Variants in SOAT1 observed in about 807,000 individuals in gnomAD.
SOAT1 encodes the protein acyl-coenzyme A:cholesterol acyltransferase 1.
A neutral mutation model predicts 69.5 loss-of-function variants in SOAT1; 55 were observed. The ratio of observed to expected loss-of-function variants is 0.79; its 90% CI spans 0.64 to 0.99. SOAT1 has a LOEUF of 0.99. Ranked by LOEUF, SOAT1 falls within the 50% of genes least tolerant of loss-of-function variation. The pLI is 0.00. For synonymous variants in SOAT1, 231 were observed against 224.7 expected (o/e 1.03, Z -0.25); for missense variants, 580 against 669.3 (o/e 0.87, Z 1.47).
At chr1:179,351,571 G>GTT (rs1666735024) in intron 15 of SOAT1, 109 bp downstream of exon 15, 1 of 979,692 alleles carries the variant, frequency 1.0e-6, no homozygotes, top group South Asian at 1.7e-5. Context: ...ATGAATTAGT[G>GTT]TTAAAGAGAG....
At chr1:179,300,944 A>G (rs573732628) in intron 1 of SOAT1, among the ~76,000 whole-genome samples, 1 of 152,198 alleles carries the variant, frequency 6.6e-6, no homozygotes, top group South Asian at 2.1e-4. Flanking sequence ...AAAATACAAA[A>G]ATTAGCCACG....
At chr1:179,350,058 C>A (rs1212485105) in intron 13 of SOAT1, among the ~76,000 whole-genome samples, 3 of 152,122 alleles carry the variant, frequency 2.0e-5, no homozygotes, top group Non-Finnish European at 2.9e-5. Context: ...TAATAACTTA[C>A]AAACATAAGT....
In SOAT1 at chr1:179,344,986, A is replaced by C. The variant is rs142335647; in HGVS notation, c.1027A>C (p.Arg343=). The C allele has an allele frequency of 8.7e-5, 141 of 1,614,082 alleles. No homozygotes were observed. The African/African-American group carries it at 1.8e-3, about 20-fold the overall frequency. The change falls in exon 11 of 16, where the codon AGG becomes CGG. Residue 343 remains arginine, a synonymous_variant. Coordinates refer to ENST00000367619, the MANE Select transcript of SOAT1 (RefSeq NM_003101.6). The part of the protein sequence containing the change: ...CFFYVYYIFE[R]LCAPLFRNIK... The stretch of plus-strand genomic sequence containing the variant: ...TTTCTATGTGTACTACATCTTTGAA[A>C]GGCTTTGTGCCCCCTTGTTTCGGAA...
intron 2 of SOAT1, among the ~76,000 whole-genome samples, chr1:179,319,267 C>T (rs868351580): frequency 5.6e-4 from 70 of 125,166 alleles, no homozygotes; most frequent in African/African-American, 1.9e-3. Flanking sequence ...GTTACTTTGC[C>T]TTTTTTTTTT....
chr1:179,334,233 G>T (rs1243269612), intron 3 of SOAT1, among the ~76,000 whole-genome samples: 1 of 152,178 alleles, frequency 6.6e-6, no homozygotes. Context: ...TGTATAGGTG[G>T]TGGGGGTTTC....
chr1:179,348,170 T>C (rs1666598412), intron 12 of SOAT1, among the ~76,000 whole-genome samples: 1 of 152,200 alleles, frequency 6.6e-6, no homozygotes, highest in Non-Finnish European at 1.5e-5. Flanking sequence ...CTTCTAAAGT[T>C]GGAATTAAGC....
At position 179,314,720 on chromosome 1, in the gene SOAT1, C is replaced by T. The variant is rs1200721078; in HGVS notation, c.119-8717C>T. Reference sequence around the variant, plus strand: ...GGATGATAATAGGCGTGAGCCAGCACGCCTGGAGTCTGGTGTTTTTTTTAG... The same window carrying T: ...GGATGATAATAGGCGTGAGCCAGCATGCCTGGAGTCTGGTGTTTTTTTTAG... On this transcript the variant is annotated intron_variant, in intron 2 of 15. Coordinates refer to ENST00000367619, the MANE Select transcript of SOAT1 (RefSeq NM_003101.6). Among the ~76,000 whole-genome samples the T allele has an allele frequency of 9.2e-5, 14 of 152,162 alleles. No homozygotes were observed. In the South Asian group the frequency reaches 1.2e-3, roughly 14 times the overall value.
Position 179,342,890 on chromosome 1 carries a change from G to T in SOAT1, c.888G>T (p.Gln296His). The change falls in exon 9 of 16, where the codon CAG becomes CAT. Residue 296 changes from glutamine to histidine, a missense_variant. Transcript: ENST00000367619. ...CTGTTCCAATACCTACAGTCAACCAGTATTTGTACTTCTTATTTGCTCCTA... is the reference window on the plus strand; with the variant it reads ...CTGTTCCAATACCTACAGTCAACCATTATTTGTACTTCTTATTTGCTCCTA... ...SSTVPIPTVN[Q>H]YLYFLFAPTL... 1.2e-6 allele frequency: 2 copies of T among 1,613,698 alleles called. No homozygotes were observed. The highest frequency in any genetic ancestry group is 2.2e-5 in the South Asian group (2 of 91,056).
At chr1:179,341,843 A>G (rs1666350963) in intron 7 of SOAT1, among the ~76,000 whole-genome samples, 1 of 152,228 alleles carries the variant, frequency 6.6e-6, no homozygotes, top group Non-Finnish European at 1.5e-5. Context: ...ACATTGAATT[A>G]TTTTTGATGC....
At chr1:179,315,301 AG>A (rs1665351877) in intron 2 of SOAT1, among the ~76,000 whole-genome samples, 1 of 151,990 alleles carries the variant, frequency 6.6e-6, no homozygotes, top group East Asian at 1.9e-4. Context: ...TTTTTTAATT[AG>A]GTGGGTGTGG....
chr1:179,353,754 CT>C lies in SOAT1; in HGVS notation c.*116del. 1 of 881,392 alleles carries C rather than the reference CT, an allele frequency of 1.1e-6. No homozygotes were observed. The highest frequency in any genetic ancestry group is 1.8e-6 in the Non-Finnish European group (1 of 545,294). 54.6% of individuals were successfully genotyped at this position (881,392 alleles called of 1,614,324 possible). A position where few individuals can be genotyped will look rare whatever the true frequency, so the allele number is the denominator to read the frequency against. ...TCTGTGTTATTTGGACCACTCCAGG[CT>C]TTACAGATGACTCACTCCATTCCTA... On this transcript the variant is annotated 3_prime_UTR_variant, in exon 16 of 16. Transcript: ENST00000367619.
intron 2 of SOAT1, 92 bp downstream of exon 2, chr1:179,302,894 TA>T (rs1427309230): frequency 3.1e-6 from 2 of 645,112 alleles, no homozygotes; most frequent in African/African-American, 3.7e-5. Context: ...TTTAATTCTT[TA>T]TTGTAAATGG....
chr1:179,346,369 A>G (rs2124999334), intron 11 of SOAT1, among the ~76,000 whole-genome samples: 1 of 152,346 alleles, frequency 6.6e-6, no homozygotes, highest in East Asian at 1.9e-4. Context: ...GATATTTTAC[A>G]ATATATTGTA....
At position 179,345,185 on chromosome 1, in the gene SOAT1, A is replaced by G. The variant is rs1666486155; in HGVS notation, c.1117+109A>G. 3 of 1,042,682 alleles carry G rather than the reference A, an allele frequency of 2.9e-6. No individual in the cohort carries two copies. The Admixed American group carries it at 6.3e-5, about 22-fold the overall frequency. 64.6% of individuals were successfully genotyped at this position (1,042,682 alleles called of 1,614,324 possible). ...CCTACTTTTTCATCTAAACTTCTAT[A>G]CATCTATGCCCATCTTGACCTCTTT... is the stretch of plus-strand genomic sequence containing the variant. On this transcript the variant is annotated intron_variant, in intron 11 of 15. Transcript: ENST00000367619.
rs148143484 is a variant in SOAT1 at position 179,354,998 on chromosome 1, A to G, written c.*1357A>G. 6.6e-6 allele frequency: 1 copy of G among 152,320 alleles called. No individual in the cohort carries two copies. Among genetic ancestry groups the G allele is most frequent in the East Asian group, 1.9e-4 (1 of 5,182 alleles). 9.4% of individuals were successfully genotyped at this position (152,320 alleles called of 1,614,324 possible). ...GTTTTAAAGTCAGTTTGAGTCTCAC[A>G]AGAAGGTAAGTAGAGTTTCTTAATA... is the stretch of plus-strand genomic sequence containing the variant. On this transcript the variant is annotated 3_prime_UTR_variant, in exon 16 of 16. Transcript: ENST00000367619.
rs905380453 is a variant in SOAT1, at chr1:179,354,184, C to G, written c.*543C>G. 9 of 152,532 alleles carry G rather than the reference C, an allele frequency of 5.9e-5. No individual in the cohort carries two copies. Among genetic ancestry groups the G allele is most frequent in the African/African-American group, 2.2e-4 (9 of 41,408 alleles). The allele number at this position is 152,532 out of a possible 1,614,324, so 9.4% of individuals were successfully genotyped here. On this transcript the variant is annotated 3_prime_UTR_variant, in exon 16 of 16. Coordinates refer to ENST00000367619, the MANE Select transcript of SOAT1 (RefSeq NM_003101.6). Reference sequence around the variant, plus strand: ...TTTTCCAAAGATAATGTTATACATCCTATTTTGTAATTTTTTTGAAAAAAG... The same window carrying G: ...TTTTCCAAAGATAATGTTATACATCGTATTTTGTAATTTTTTTGAAAAAAG...
intron 4 of SOAT1, among the ~76,000 whole-genome samples, chr1:179,336,123 C>T (rs898025972): frequency 3.3e-5 from 5 of 149,424 alleles, no homozygotes; most frequent in African/African-American, 1.2e-4. Context: ...GAGATCATGC[C>T]ACTGCACTCC....
In SOAT1 at chr1:179,297,756, G is replaced by A. The variant is rs193174440; in HGVS notation, c.-9+3820G>A. 4.3e-3 allele frequency among the ~76,000 whole-genome samples: 651 copies of A among 151,372 alleles called. 2 individuals are homozygous for A. The highest frequency in any genetic ancestry group is 0.012 in the African/African-American group (480 of 41,260). On this transcript the variant is annotated intron_variant, in intron 1 of 15. Coordinates refer to ENST00000367619, the MANE Select transcript of SOAT1 (RefSeq NM_003101.6). The stretch of plus-strand genomic sequence containing the variant: ...CTCAAAAAAAAAAAAAAAATGCCGG[G>A]CGCGGTGGCTCACACCTGTAATCCC...
intron 2 of SOAT1, among the ~76,000 whole-genome samples, chr1:179,309,722 T>C (rs1665153942): frequency 6.6e-6 from 1 of 152,166 alleles, no homozygotes; most frequent in Non-Finnish European, 1.5e-5. Flanking sequence ...TAAGAGCTTT[T>C]TCTATATTAA....
Sources: gnomAD v4.1 joint callset for allele counts (sites outside exome capture counted in the v4.1 genomes callset) on GRCh38, gnomAD v4.1.1 for gene constraint, MANE v1.5 for transcripts, NCBI Gene and HGNC (gene_info 2026-07-23, HGNC 2026-07-21) for gene names.